NTM: variants seen among roughly 807,000 people sequenced by gnomAD.
NTM encodes the protein IgLON family member 2.
NTM carries 13 observed loss-of-function variants against 42.1 expected under a neutral mutation model. The ratio of observed to expected loss-of-function variants is 0.31; its 90% CI spans 0.20 to 0.49. The LOEUF (loss-of-function observed/expected upper bound fraction) is 0.49, where lower values mean the gene tolerates loss of function less well. NTM is among the 20% of genes least tolerant of loss of function. The pLI is 0.99. For synonymous variants in NTM, 187 were observed against 179.2 expected (o/e 1.04, Z -0.35); for missense variants, 373 against 452.8 (o/e 0.82, Z 1.60).
chr11:131,540,342 T>C (rs2053045349), intron 1 of NTM, among the ~76,000 whole-genome samples: 1 of 151,938 alleles, frequency 6.6e-6, no homozygotes, highest in African/African-American at 2.4e-5. Context: ...TTGTTTTGTA[T>C]TCTTAGTAGA....
At chr11:131,609,756 T>C (rs1194922092) in intron 1 of NTM, among the ~76,000 whole-genome samples, 1 of 152,354 alleles carries the variant, frequency 6.6e-6, no homozygotes, top group East Asian at 1.9e-4. Flanking sequence ...GAGCCAAACA[T>C]GCTTCTGTCT....
At chr11:131,535,406 T>A (rs780974825) in intron 1 of NTM, 2 of 152,230 alleles carry the variant, frequency 1.3e-5, no homozygotes, top group Admixed American at 1.3e-4. Flanking sequence ...CATTAGGGGC[T>A]ATGGGAAGAG....
intron 3 of NTM, among the ~76,000 whole-genome samples, chr11:132,190,167 A>G (rs2079073080): frequency 6.6e-6 from 1 of 152,158 alleles, no homozygotes; most frequent in Non-Finnish European, 1.5e-5. Context: ...TTTGGTTCTC[A>G]TAGCTGTTAC....
In NTM at chr11:132,153,559, T is replaced by A. The variant is rs80304994; in HGVS notation, c.400+7045T>A. ...CAATATCAAGAGCAGCTGACTTGGA[T>A]GCCATCACTGTTAGGAGAAGATTCT... On this transcript the variant is annotated intron_variant, in intron 3 of 8. Transcript: ENST00000683400. Among the ~76,000 whole-genome samples, 1,453 of 152,308 alleles carry A rather than the reference T, an allele frequency of 9.5e-3. 10 individuals carry two copies. Among genetic ancestry groups the A allele is most frequent in the Non-Finnish European group, 0.015 (1,013 of 68,018 alleles).
At chr11:132,007,717 T>G (rs1448213749) in intron 2 of NTM, among the ~76,000 whole-genome samples, 1 of 152,226 alleles carries the variant, frequency 6.6e-6, no homozygotes, top group Non-Finnish European at 1.5e-5. Context: ...TGTGTTTGTG[T>G]ATCAGGTTTT....
At chr11:132,143,767 G>T (rs1181629944) in intron 2 of NTM, among the ~76,000 whole-genome samples, 2 of 152,118 alleles carry the variant, frequency 1.3e-5, no homozygotes, top group Non-Finnish European at 2.9e-5. Flanking sequence ...GTGTGTTTTT[G>T]TTCTTGAGAG....
At chr11:131,407,397 C>T (rs1307154795) in intron 1 of NTM, among the ~76,000 whole-genome samples, 1 of 152,204 alleles carries the variant, frequency 6.6e-6, no homozygotes, top group Admixed American at 6.5e-5. Context: ...CCCTGGAAAA[C>T]AGCACTTCGT....
chr11:131,671,440 G>A (rs2070212696), intron 1 of NTM: 3 of 985,442 alleles, frequency 3.0e-6, no homozygotes, highest in Non-Finnish European at 3.6e-6. Context: ...CTGCTTGCCT[G>A]GGCCTTGTCA....
chr11:132,205,190 A>G (rs2081792974), intron 3 of NTM, among the ~76,000 whole-genome samples: 1 of 152,316 alleles, frequency 6.6e-6, no homozygotes, highest in Non-Finnish European at 1.5e-5. Context: ...CTGCCAGCCA[A>G]GGAAGCCATC....
At chr11:132,069,019 A>G (rs2056949951) in intron 2 of NTM, among the ~76,000 whole-genome samples, 1 of 152,260 alleles carries the variant, frequency 6.6e-6, no homozygotes, top group Non-Finnish European at 1.5e-5. Context: ...CTAACTGGGC[A>G]TTGCAGCCTA....
chr11:131,769,248 C>G (rs544114636), intron 1 of NTM, among the ~76,000 whole-genome samples: 1 of 152,124 alleles, frequency 6.6e-6, no homozygotes, highest in East Asian at 1.9e-4. Context: ...TTGTTTTCCT[C>G]CATTCTTTCA....
chr11:131,669,041 C>G (rs1029206352), intron 1 of NTM, among the ~76,000 whole-genome samples: 3 of 152,200 alleles, frequency 2.0e-5, no homozygotes, highest in African/African-American at 7.2e-5. Context: ...CCACGCCCCT[C>G]TGGGTTTTGT....
chr11:132,187,643 G>C (rs890679738), intron 3 of NTM, among the ~76,000 whole-genome samples: 1 of 152,148 alleles, frequency 6.6e-6, no homozygotes, highest in Admixed American at 6.5e-5. Flanking sequence ...ATGGAGCTGA[G>C]CAGACACAGG....
chr11:131,542,833 G>A (rs183292472), intron 1 of NTM, among the ~76,000 whole-genome samples: 34 of 152,314 alleles, frequency 2.2e-4, no homozygotes, highest in Middle Eastern at 3.4e-3. Flanking sequence ...TCTTTGTCAA[G>A]TCTTTGTCCC....
At chr11:131,411,107 C>G (rs1255611856) in intron 1 of NTM, among the ~76,000 whole-genome samples, 1 of 152,178 alleles carries the variant, frequency 6.6e-6, no homozygotes, top group African/African-American at 2.4e-5. Flanking sequence ...CCTGGCAAAT[C>G]CCTCCTCGAT....
At chr11:132,240,044 T>C (rs1321053073) in intron 4 of NTM, among the ~76,000 whole-genome samples, 1 of 139,556 alleles carries the variant, frequency 7.2e-6, no homozygotes, top group East Asian at 2.0e-4. Context: ...CCATCATCCG[T>C]CCATCCCTCC....
chr11:131,905,470 G>A (rs751600218), intron 1 of NTM, among the ~76,000 whole-genome samples: 1 of 152,096 alleles, frequency 6.6e-6, no homozygotes, highest in Admixed American at 6.5e-5. Flanking sequence ...GTCTTGGGTC[G>A]TGTAGCGTCT....
chr11:131,813,471 G>A (rs1372477826), intron 1 of NTM, among the ~76,000 whole-genome samples: 3 of 152,170 alleles, frequency 2.0e-5, no homozygotes, highest in South Asian at 2.1e-4. Flanking sequence ...GTAAAGGACG[G>A]ATGAAGGCTG....
At chr11:131,724,381 T>A (rs2078713246) in intron 1 of NTM, among the ~76,000 whole-genome samples, 1 of 152,180 alleles carries the variant, frequency 6.6e-6, no homozygotes, top group African/African-American at 2.4e-5. Flanking sequence ...ACATATTGCC[T>A]ACTGAGGTTT....
Sources: gnomAD v4.1 joint callset for allele counts (sites outside exome capture counted in the v4.1 genomes callset) on GRCh38, gnomAD v4.1.1 for gene constraint, MANE v1.5 for transcripts, NCBI Gene and HGNC (gene_info 2026-07-23, HGNC 2026-07-21) for gene names.